SNTG2: variants seen among roughly 807,000 people sequenced by gnomAD.
The protein encoded by SNTG2 is syntrophin gamma 2, also known as gamma-2-syntrophin.
In SNTG2, 74 loss-of-function variants were observed where a neutral mutation model predicts 70.9. The observed-to-expected ratio is 1.04, with a 90% CI of 0.86 to 1.27. The LOEUF (loss-of-function observed/expected upper bound fraction) is 1.27, where lower values mean the gene tolerates loss of function less well. SNTG2 is among the 50% of genes most tolerant of loss of function. The pLI, the probability that SNTG2 is intolerant of heterozygous loss-of-function variation, is 0.00. For missense variants in SNTG2, 717 were observed against 690.7 expected, an observed-to-expected ratio of 1.04 and a Z score of -0.43; for synonymous variants, 278 against 273.8, an observed-to-expected ratio of 1.02 and a Z score of -0.15.
At chr2:1,061,505 A>G (rs1662822318) in intron 1 of SNTG2, among the ~76,000 whole-genome samples, 1 of 152,184 alleles carries the variant, frequency 6.6e-6, no homozygotes, top group Non-Finnish European at 1.5e-5. Flanking sequence ...ATGCTTATTG[A>G]ACGTTGTTAA....
At chr2:1,129,732 G>A (rs1667907480) in intron 4 of SNTG2, among the ~76,000 whole-genome samples, 1 of 152,148 alleles carries the variant, frequency 6.6e-6, no homozygotes, top group Non-Finnish European at 1.5e-5. Context: ...GGTTGTCATG[G>A]TGTTGAGTAG....
intron 13 of SNTG2, among the ~76,000 whole-genome samples, chr2:1,263,786 A>G (rs977935125): frequency 3.3e-5 from 5 of 152,244 alleles, no homozygotes; most frequent in African/African-American, 9.6e-5. Context: ...AAGTTATGAC[A>G]ACATTTTTAT....
Position 1,353,481 on chromosome 2 carries a change from G to T in SNTG2, c.1489-13862G>T, listed in dbSNP as rs1298437519. 2.6e-5 allele frequency among the ~76,000 whole-genome samples: 4 copies of T among 152,132 alleles called. No individual in the cohort carries two copies. Among genetic ancestry groups the T allele is most frequent in the Non-Finnish European group, 5.9e-5 (4 of 68,040 alleles). On this transcript the variant is annotated intron_variant, in intron 16 of 16. Coordinates refer to ENST00000308624, the MANE Select transcript of SNTG2 (RefSeq NM_018968.4). This position sits in a 1 kb window ranked among gnomAD's most constrained non-coding sequence, Gnocchi z 4.2. The stretch of plus-strand genomic sequence containing the variant: ...TACAAAGCATCCTCGCTTATTCCAG[G>T]TATTCATTCATGCATTGAACAACCA...
chr2:1,232,955 T>C (rs900512671), intron 9 of SNTG2, among the ~76,000 whole-genome samples: 1 of 152,202 alleles, frequency 6.6e-6, no homozygotes, highest in Non-Finnish European at 1.5e-5. Flanking sequence ...ATGTGTGCAA[T>C]GCACACCTTT....
At chr2:1,309,649 G>A (rs983468624) in intron 15 of SNTG2, among the ~76,000 whole-genome samples, 4 of 152,256 alleles carry the variant, frequency 2.6e-5, no homozygotes, top group East Asian at 1.9e-4. Context: ...GAAAAACCTG[G>A]GCTAGGGCCA....
At chr2:1,236,834 CTTA>C (rs1385361431) in intron 9 of SNTG2, among the ~76,000 whole-genome samples, 1 of 152,110 alleles carries the variant, frequency 6.6e-6, no homozygotes, top group East Asian at 1.9e-4. Flanking sequence ...TTAGTGATGA[CTTA>C]TTTTTTTAAA....
chr2:1,174,043 C>T (rs1236232136), intron 8 of SNTG2, among the ~76,000 whole-genome samples: 1 of 152,216 alleles, frequency 6.6e-6, no homozygotes, highest in African/African-American at 2.4e-5. Context: ...AGATGTCTGA[C>T]TACTCCATTT....
intron 6 of SNTG2, among the ~76,000 whole-genome samples, chr2:1,147,857 C>T (rs1223552015): frequency 6.6e-6 from 1 of 152,190 alleles, no homozygotes; most frequent in African/African-American, 2.4e-5. Context: ...AAATATTATT[C>T]CGAAAACATT....
chr2:1,022,050 C>T (rs11681200), intron 1 of SNTG2, among the ~76,000 whole-genome samples: 41,096 of 149,256 alleles, frequency 0.28, 5,962 homozygotes, highest in Middle Eastern at 0.38. Context: ...ACTAGTTACA[C>T]GTGAACTAGT....
intron 16 of SNTG2, among the ~76,000 whole-genome samples, chr2:1,356,573 T>C (rs12465073): frequency 0.72 from 109,751 of 152,070 alleles, 39,905 homozygotes; most frequent in East Asian, 0.94. Flanking sequence ...CATTGATTAC[T>C]GTGGCTTTGT....
intron 8 of SNTG2, among the ~76,000 whole-genome samples, chr2:1,176,685 G>T (rs1014638958): frequency 6.6e-6 from 1 of 151,570 alleles, no homozygotes; most frequent in South Asian, 2.1e-4. Context: ...CAAAGGACAC[G>T]AACAGATACT....
intron 1 of SNTG2, among the ~76,000 whole-genome samples, chr2:1,041,384 T>TTTG (rs905488897): frequency 3.9e-5 from 6 of 152,210 alleles, no homozygotes; most frequent in African/African-American, 1.4e-4. Flanking sequence ...ATCTACTGTT[T>TTTG]TTGTTGTTGT....
intron 2 of SNTG2, among the ~76,000 whole-genome samples, chr2:1,096,307 C>T (rs1009302573): frequency 6.6e-6 from 1 of 152,194 alleles, no homozygotes; most frequent in African/African-American, 2.4e-5. Flanking sequence ...CTAATACATA[C>T]ATCACCTCTT....
intron 8 of SNTG2, among the ~76,000 whole-genome samples, chr2:1,195,296 T>C (rs954517497): frequency 2.0e-5 from 3 of 152,106 alleles, no homozygotes; most frequent in South Asian, 2.1e-4. Flanking sequence ...CCTTGAGGAG[T>C]TGCCACACTG....
At chr2:1,325,218 T>C (rs541008484) in intron 16 of SNTG2, among the ~76,000 whole-genome samples, 1 of 152,316 alleles carries the variant, frequency 6.6e-6, no homozygotes, top group South Asian at 2.1e-4. Flanking sequence ...ATTGAACTTA[T>C]GCAAATAACT....
chr2:1,086,313 G>T (rs184987319), intron 2 of SNTG2, among the ~76,000 whole-genome samples: 2 of 152,160 alleles, frequency 1.3e-5, no homozygotes, highest in East Asian at 1.9e-4. Context: ...TCGCTCTCTC[G>T]CTCTCTCTGT....
intron 1 of SNTG2, among the ~76,000 whole-genome samples, chr2:970,153 A>T (rs931392732): frequency 6.6e-6 from 1 of 152,182 alleles, no homozygotes; most frequent in African/African-American, 2.4e-5. Context: ...CATTTATGTG[A>T]TGAATTACAT....
At chr2:1,301,229 A>G (rs1411341720) in intron 14 of SNTG2, among the ~76,000 whole-genome samples, 4 of 152,060 alleles carry the variant, frequency 2.6e-5, no homozygotes, top group African/African-American at 9.7e-5. Context: ...TGGGCACCTT[A>G]CTTAGTTTGA....
chr2:1,115,474 G>A (rs575049046), intron 4 of SNTG2, among the ~76,000 whole-genome samples: 5 of 151,568 alleles, frequency 3.3e-5, no homozygotes, highest in East Asian at 2.0e-4. Context: ...GAGGAGGATC[G>A]TGTGTACTAA....
Sources: allele counts gnomAD v4.1 joint callset (sites outside exome capture counted in the v4.1 genomes callset), GRCh38; gene constraint gnomAD v4.1.1; non-coding constraint Gnocchi (gnomAD v3.1); transcripts MANE v1.5; gene names NCBI Gene and HGNC (gene_info 2026-07-23, HGNC 2026-07-21).